The following GPD1L variants were observed in gnomAD, a reference collection of about 807,000 sequenced individuals.
GPD1L encodes the protein glycerol-3-phosphate dehydrogenase 1 like.
In GPD1L, 17 loss-of-function variants were observed where a neutral mutation model predicts 32.9. The observed-to-expected ratio is 0.52, with a 90% confidence interval of 0.35 to 0.78. The LOEUF (loss-of-function observed/expected upper bound fraction) is 0.78. Among genes scored for constraint, GPD1L ranks in the 30% least tolerant of loss-of-function variants. The pLI is 0.01. For synonymous variants in GPD1L, 187 were observed against 165.9 expected (o/e 1.13, Z -0.98); for missense variants, 361 against 447.8 (o/e 0.81, Z 1.75).
At chr3:32,121,313 G>A (rs1211987794) in intron 1 of GPD1L, among the ~76,000 whole-genome samples, 1 of 151,206 alleles carries the variant, frequency 6.6e-6, no homozygotes, top group Non-Finnish European at 1.5e-5. Context: ...TGTGCCTATT[G>A]TTGGCCATGC....
chr3:32,112,246 G>T, intron 1 of GPD1L, among the ~76,000 whole-genome samples: 1 of 121,100 alleles, frequency 8.3e-6, no homozygotes, highest in African/African-American at 4.0e-5. Flanking sequence ...GGGAGGCTGA[G>T]GTGGAGAATC....
chr3:32,165,433 T>C (rs1701132883), intron 7 of GPD1L, among the ~76,000 whole-genome samples: 1 of 152,222 alleles, frequency 6.6e-6, no homozygotes, highest in Admixed American at 6.5e-5. Context: ...GAGCAATGCC[T>C]CCTTGCAATT....
intron 5 of GPD1L, among the ~76,000 whole-genome samples, chr3:32,154,038 G>A (rs144423118): frequency 2.0e-5 from 3 of 152,200 alleles, no homozygotes; most frequent in East Asian, 1.9e-4. Flanking sequence ...GAGCGATCTC[G>A]GAGGACATCT....
chr3:32,148,719 CTT>C (rs1343800769), intron 5 of GPD1L, among the ~76,000 whole-genome samples: 3 of 152,184 alleles, frequency 2.0e-5, no homozygotes, highest in Non-Finnish European at 4.4e-5. Flanking sequence ...TACCACTTGA[CTT>C]TTCTGGTTAG....
At chr3:32,157,099 A>C (rs1701003135) in intron 5 of GPD1L, among the ~76,000 whole-genome samples, 1 of 152,124 alleles carries the variant, frequency 6.6e-6, no homozygotes, top group African/African-American at 2.4e-5. Context: ...CCACCTGTGC[A>C]ACTGTGCAGG....
rs1225282992 is a variant in GPD1L at position 32,165,874 on chromosome 3, G to A, written c.1020G>A (p.Met340Ile). The A allele has an allele frequency of 1.9e-6, 3 of 1,606,722 alleles. No individual in the cohort carries two copies. The highest frequency in any genetic ancestry group is 2.2e-5 in the East Asian group (1 of 44,840). The change falls in exon 8 of 8, where the codon ATG becomes ATA. Residue 340 changes from methionine (M) to isoleucine (I), a missense_variant. Met to Ile is a conservative substitution (Grantham distance 10). Transcript: ENST00000282541. ...ICYESRPVQE[M>I]LSCLQSHPEH... ...ACGAAAGCAGACCAGTTCAAGAGAT[G>A]TTGTCTTGTCTTCAGAGCCATCCAG...
chr3:32,145,679 A>T (rs1339265940), intron 4 of GPD1L, among the ~76,000 whole-genome samples: 2 of 152,216 alleles, frequency 1.3e-5, no homozygotes. Flanking sequence ...TGTAGGGGCC[A>T]GGGGCTGGTT....
chr3:32,126,196 A>G (rs966521521), intron 1 of GPD1L, among the ~76,000 whole-genome samples: 1 of 152,192 alleles, frequency 6.6e-6, no homozygotes, highest in Non-Finnish European at 1.5e-5. Context: ...TCCTGTATCA[A>G]TAAATTAAAT....
At chr3:32,142,955 T>A (rs1340004858) in intron 4 of GPD1L, among the ~76,000 whole-genome samples, 3 of 152,118 alleles carry the variant, frequency 2.0e-5, no homozygotes, top group Non-Finnish European at 4.4e-5. Flanking sequence ...AAGCCGAGGA[T>A]CTTCTGAGGC....
chr3:32,137,902 C>A, intron 2 of GPD1L, among the ~76,000 whole-genome samples: 1 of 152,182 alleles, frequency 6.6e-6, no homozygotes, highest in East Asian at 1.9e-4. Context: ...TCGAGGGAAT[C>A]AACAGGGGTT....
At chr3:32,148,172 G>A (rs1700860012) in intron 5 of GPD1L, among the ~76,000 whole-genome samples, 1 of 152,200 alleles carries the variant, frequency 6.6e-6, no homozygotes, top group African/African-American at 2.4e-5. Flanking sequence ...GGCCTGAGCT[G>A]CTCCAAAGCT....
chr3:32,166,860 C>T lies in GPD1L; in HGVS notation c.*950C>T, dbSNP rs77308668. 14,516 of 152,236 alleles carry T rather than the reference C, an allele frequency of 0.095. 940 individuals are homozygous for T. The highest frequency in any genetic ancestry group is 0.18 in the African/African-American group (7,354 of 41,462). 9.4% of individuals were successfully genotyped at this position (152,236 alleles called of 1,614,324 possible). On this transcript the variant is annotated 3_prime_UTR_variant, in exon 8 of 8. Transcript: ENST00000282541. Reference sequence around the variant, plus strand: ...TTTGACCTCCGACTCATTGGTTGTGCAAATGCCATGTGCAGCCTTTCCTGA... The same window carrying T: ...TTTGACCTCCGACTCATTGGTTGTGTAAATGCCATGTGCAGCCTTTCCTGA...
At chr3:32,119,420 C>G (rs1700376735) in intron 1 of GPD1L, among the ~76,000 whole-genome samples, 1 of 152,160 alleles carries the variant, frequency 6.6e-6, no homozygotes, top group Non-Finnish European at 1.5e-5. Context: ...GCATTTTCCC[C>G]TACAGTTTGA....
chr3:32,141,266 G>T (rs1700738658), intron 4 of GPD1L, among the ~76,000 whole-genome samples: 1 of 151,884 alleles, frequency 6.6e-6, no homozygotes, highest in Non-Finnish European at 1.5e-5. Flanking sequence ...GGATTTTTTT[G>T]GAATTTTCTA....
At chr3:32,148,935 C>T (rs187175629) in intron 5 of GPD1L, among the ~76,000 whole-genome samples, 78 of 152,316 alleles carry the variant, frequency 5.1e-4, no homozygotes, top group African/African-American at 1.7e-3. Flanking sequence ...ATCCTACATC[C>T]TGAAATAACC....
At chr3:32,161,526 G>A (rs1387043445) in intron 7 of GPD1L, among the ~76,000 whole-genome samples, 1 of 152,116 alleles carries the variant, frequency 6.6e-6, no homozygotes. Context: ...GCTGTTTAGT[G>A]AGACTCTCCC....
At position 32,168,539 on chromosome 3, in the gene GPD1L, T is replaced by C. The variant is rs1701180246; in HGVS notation, c.*2629T>C. ...TTGACTACAGCATGGCCCCATGGCA[T>C]CCACACCAAGAGGGTGTTGTGATGA... On this transcript the variant is annotated 3_prime_UTR_variant, in exon 8 of 8. Coordinates refer to ENST00000282541, the MANE Select transcript of GPD1L (RefSeq NM_015141.4). 6.5e-6 allele frequency: 1 copy of C among 152,684 alleles called. No individual in the cohort carries two copies. The highest frequency in any genetic ancestry group is 1.5e-5 in the Non-Finnish European group (1 of 68,062). 9.5% of individuals were successfully genotyped at this position (152,684 alleles called of 1,614,324 possible).
chr3:32,144,831 A>G (rs944817536), intron 4 of GPD1L, among the ~76,000 whole-genome samples: 5 of 150,786 alleles, frequency 3.3e-5, no homozygotes, highest in Admixed American at 3.3e-4. Context: ...GAACACACAC[A>G]CACACACACA....
chr3:32,140,002 G>A (rs1700717470), intron 3 of GPD1L, among the ~76,000 whole-genome samples: 1 of 152,212 alleles, frequency 6.6e-6, no homozygotes, highest in South Asian at 2.1e-4. Context: ...GAGACACACA[G>A]GGGACTTCAG....
Sources: allele counts gnomAD v4.1 joint callset (sites outside exome capture counted in the v4.1 genomes callset), GRCh38; gene constraint gnomAD v4.1.1; transcripts MANE v1.5; gene names NCBI Gene and HGNC (gene_info 2026-07-23, HGNC 2026-07-21).